MAGI2: variants seen among roughly 807,000 people sequenced by gnomAD.
The protein encoded by MAGI2 is membrane-associated guanylate kinase, WW and PDZ domain-containing protein 2.
MAGI2 carries 35 observed loss-of-function variants against 133.3 expected under a neutral mutation model. The ratio of observed to expected loss-of-function variants is 0.26; its 90% CI spans 0.20 to 0.35. The LOEUF (loss-of-function observed/expected upper bound fraction) is 0.35. Among genes scored for constraint, MAGI2 ranks in the 10% least tolerant of loss-of-function variants. MAGI2 has a pLI of 1.00. For missense variants in MAGI2, 1,636 were observed against 1,863.4 expected (o/e 0.88, Z 2.25); for synonymous variants, 729 against 710.6 (o/e 1.03, Z -0.41).
At chr7:79,067,443 C>A (rs1814468986) in intron 1 of MAGI2, among the ~76,000 whole-genome samples, 1 of 152,060 alleles carries the variant, frequency 6.6e-6, no homozygotes, top group South Asian at 2.1e-4. Context: ...GTGATTTTTG[C>A]ACATTGATTT....
chr7:78,645,103 T>C (rs1810720318), intron 2 of MAGI2, among the ~76,000 whole-genome samples: 1 of 150,954 alleles, frequency 6.6e-6, no homozygotes, highest in Admixed American at 6.7e-5. Context: ...AGCCTGTATA[T>C]GTGTGTGCGT....
chr7:78,382,630 T>C (rs1032185688), intron 6 of MAGI2, among the ~76,000 whole-genome samples: 2 of 152,118 alleles, frequency 1.3e-5, no homozygotes, highest in Non-Finnish European at 2.9e-5. Flanking sequence ...GTCAGGGTAT[T>C]AGGGTGTCTA....
chr7:78,027,035 G>C lies in MAGI2; in HGVS notation c.3707-7059C>G, dbSNP rs185552053. Among the ~76,000 whole-genome samples, 709 of 152,270 alleles carry C rather than the reference G, an allele frequency of 4.7e-3. 8 individuals carry two copies. Among genetic ancestry groups the C allele is most frequent in the Non-Finnish European group, 6.7e-3 (455 of 68,020 alleles). On this transcript the variant is annotated intron_variant, in intron 21 of 21. Transcript: ENST00000354212. ...AGGAAACAGAGACACAGAGGTTAAGGAACTTGTTCAAGGCCACACAGCTGG... is the reference window on the plus strand; with the variant it reads ...AGGAAACAGAGACACAGAGGTTAAGCAACTTGTTCAAGGCCACACAGCTGG...
In MAGI2 at chr7:79,413,096, A is replaced by G. The variant is rs574265821; in HGVS notation, c.301+39924T>C. The G allele has an allele frequency of 5.3e-5, 8 of 152,266 alleles. No homozygotes were observed. The South Asian group carries it at 8.3e-4, about 16-fold the overall frequency. The allele number at this position is 152,266 out of a possible 1,614,324, so 9.4% of individuals were successfully genotyped here. A position where few individuals can be genotyped will look rare whatever the true frequency, so the allele number is the denominator to read the frequency against. On this transcript the variant is annotated intron_variant, in intron 1 of 21. Coordinates refer to ENST00000354212, the MANE Select transcript of MAGI2 (RefSeq NM_012301.4). ...TGTCAATGCTCATGAACAACTCGGA[A>G]GACAAAGCAATTTCACTATTGAACA...
At chr7:78,874,939 TAA>T (rs1483365539) in intron 2 of MAGI2, among the ~76,000 whole-genome samples, 2 of 152,066 alleles carry the variant, frequency 1.3e-5, no homozygotes, top group Admixed American at 6.6e-5. Flanking sequence ...GAAGGAAATG[TAA>T]AGTGACTAAA....
intron 2 of MAGI2, among the ~76,000 whole-genome samples, chr7:78,655,356 A>G (rs1022116279): frequency 6.7e-6 from 1 of 149,788 alleles, no homozygotes; most frequent in Non-Finnish European, 1.5e-5. Context: ...AAGCTTCATC[A>G]TTCTCTCCTT....
intron 21 of MAGI2, among the ~76,000 whole-genome samples, chr7:78,057,544 G>T (rs6958035): frequency 0.52 from 78,046 of 151,486 alleles, 20,735 homozygotes; most frequent in African/African-American, 0.66. Flanking sequence ...CCATCCACTG[G>T]TGTGAGGTGA....
At chr7:78,707,017 A>G (rs1323723648) in intron 2 of MAGI2, among the ~76,000 whole-genome samples, 1 of 152,104 alleles carries the variant, frequency 6.6e-6, no homozygotes, top group African/African-American at 2.4e-5. Context: ...TCTCACTTCT[A>G]GCTCTGGAAT....
intron 1 of MAGI2, among the ~76,000 whole-genome samples, chr7:79,191,620 T>G (rs1827683787): frequency 6.6e-6 from 1 of 151,354 alleles, no homozygotes; most frequent in Admixed American, 6.6e-5. Flanking sequence ...AAATATGTTG[T>G]GTTATTCTTG....
chr7:78,514,893 G>T (rs1022953569), intron 4 of MAGI2, among the ~76,000 whole-genome samples: 3 of 152,166 alleles, frequency 2.0e-5, no homozygotes, highest in Non-Finnish European at 4.4e-5. Flanking sequence ...CAGTTCATTT[G>T]CACTAATTGC....
chr7:78,037,031 G>A (rs1810304869), intron 21 of MAGI2, among the ~76,000 whole-genome samples: 1 of 150,260 alleles, frequency 6.7e-6, no homozygotes, highest in South Asian at 2.1e-4. Context: ...TAGCCCTAGA[G>A]AAGGATGAAC....
chr7:78,091,642 A>G (rs1237753928), intron 20 of MAGI2, among the ~76,000 whole-genome samples: 1 of 152,212 alleles, frequency 6.6e-6, no homozygotes, highest in South Asian at 2.1e-4. Context: ...CTCATAGCTT[A>G]TAAGTGGAAA....
intron 7 of MAGI2, among the ~76,000 whole-genome samples, chr7:78,347,963 G>A (rs994306352): frequency 2.6e-5 from 4 of 152,218 alleles, no homozygotes; most frequent in African/African-American, 9.6e-5. Flanking sequence ...AAGGACCAGA[G>A]TTTGATGCCT....
At chr7:78,757,188 T>G (rs1246198561) in intron 2 of MAGI2, among the ~76,000 whole-genome samples, 2 of 152,130 alleles carry the variant, frequency 1.3e-5, no homozygotes, top group Admixed American at 1.3e-4. Flanking sequence ...TATGAATGAA[T>G]AGACCACATT....
intron 1 of MAGI2, among the ~76,000 whole-genome samples, chr7:79,341,246 C>T (rs975845488): frequency 1.3e-5 from 2 of 152,088 alleles, no homozygotes; most frequent in Admixed American, 6.6e-5. Context: ...ATTAAATGGA[C>T]CTGGATTTGA....
intron 2 of MAGI2, among the ~76,000 whole-genome samples, chr7:78,639,541 A>G (rs759686057): frequency 2.6e-5 from 4 of 152,216 alleles, no homozygotes; most frequent in African/African-American, 7.2e-5. Flanking sequence ...GATACTAGCT[A>G]TTATATTAGT....
chr7:78,070,126 C>CACACACACACACACAT (rs3084738), intron 21 of MAGI2, among the ~76,000 whole-genome samples: 7 of 136,224 alleles, frequency 5.1e-5, no homozygotes, highest in Admixed American at 1.5e-4. Context: ...CACACACACA[C>CACACACACACACACAT]ATATATGTGT....
chr7:78,683,867 A>C (rs1419839574), intron 2 of MAGI2, among the ~76,000 whole-genome samples: 2 of 152,220 alleles, frequency 1.3e-5, no homozygotes, highest in African/African-American at 2.4e-5. Flanking sequence ...GAAAAGTAAC[A>C]AACAGCTGAT....
intron 3 of MAGI2, among the ~76,000 whole-genome samples, chr7:78,534,558 CTCT>C (rs1797726054): frequency 6.6e-6 from 1 of 152,338 alleles, no homozygotes; most frequent in Admixed American, 6.5e-5. Context: ...GCCAGATAAG[CTCT>C]TCTTTTCTCA....
Sources: gnomAD v4.1 joint callset for allele counts (sites outside exome capture counted in the v4.1 genomes callset) on GRCh38, gnomAD v4.1.1 for gene constraint, MANE v1.5 for transcripts, NCBI Gene and HGNC (gene_info 2026-07-23, HGNC 2026-07-21) for gene names.